The following ZNF710 variants were observed in gnomAD, a reference collection of about 807,000 sequenced individuals.
The protein encoded by ZNF710 is zinc finger protein 710.
A neutral mutation model predicts 50.6 loss-of-function variants in ZNF710; 13 were observed. The ratio of observed to expected loss-of-function variants is 0.26; its 90% CI spans 0.17 to 0.41. The LOEUF is 0.41. Ranked by LOEUF, ZNF710 falls within the 10% of genes least tolerant of loss-of-function variation. ZNF710 has a pLI of 1.00. For synonymous variants in ZNF710, 383 were observed against 397.0 expected, an observed-to-expected ratio of 0.96 and a Z score of 0.42; for missense variants, 721 against 936.6, an observed-to-expected ratio of 0.77 and a Z score of 3.01.
intron 1 of ZNF710, among the ~76,000 whole-genome samples, chr15:90,050,767 TG>T (rs922254921): frequency 6.6e-6 from 1 of 150,518 alleles, no homozygotes; most frequent in African/African-American, 2.5e-5. Context: ...ACCTTAAGTT[TG>T]TTTTTTTTTT....
chr15:90,030,469 G>GT (rs1898905770), intron 1 of ZNF710, among the ~76,000 whole-genome samples: 2 of 151,754 alleles, frequency 1.3e-5, no homozygotes, highest in Non-Finnish European at 2.9e-5. Context: ...TCAGCAAATC[G>GT]TAAGCCTTCT....
chr15:90,003,367 CA>C (rs774273814), intron 1 of ZNF710, among the ~76,000 whole-genome samples: 156 of 152,276 alleles, frequency 1.0e-3, no homozygotes, highest in Admixed American at 2.0e-3. Context: ...GGGAAATTCA[CA>C]AAACTCCCCC....
At chr15:90,015,366 AC>A in intron 1 of ZNF710, among the ~76,000 whole-genome samples, 1 of 152,316 alleles carries the variant, frequency 6.6e-6, no homozygotes, top group Non-Finnish European at 1.5e-5. Context: ...AATCAGTACA[AC>A]TTTTATGGAG....
At chr15:90,000,309 G>A (rs113033620), upstream of ZNF710, among the ~76,000 whole-genome samples, 901 of 152,330 alleles carry the variant, frequency 5.9e-3, 4 homozygotes, top group Non-Finnish European at 0.01. Context: ...GTCGAGAAAC[G>A]GCTCGGAGTG....
At chr15:90,079,565 C>A (rs1900672019) in intron 4 of ZNF710, 95 bp from the exon 5 acceptor site, 1 of 1,473,968 alleles carries the variant, frequency 6.8e-7, no homozygotes, top group East Asian at 2.3e-5. Context: ...GACTGGGAAG[C>A]CCTCTCTTTA....
chr15:90,022,967 A>C (rs1898666834), intron 1 of ZNF710, among the ~76,000 whole-genome samples: 1 of 152,216 alleles, frequency 6.6e-6, no homozygotes, highest in Non-Finnish European at 1.5e-5. Flanking sequence ...GGTTTTCCCC[A>C]GTCCTGGCAA....
intron 1 of ZNF710, among the ~76,000 whole-genome samples, chr15:90,012,216 A>T (rs1307936995): frequency 1.3e-5 from 2 of 151,756 alleles, no homozygotes; most frequent in Non-Finnish European, 2.9e-5. Context: ...AAGAAAAAAA[A>T]AAAGAAAAAG....
intron 1 of ZNF710, among the ~76,000 whole-genome samples, chr15:90,002,124 C>T (rs921398676): frequency 6.6e-6 from 1 of 151,466 alleles, no homozygotes; most frequent in South Asian, 2.1e-4. Flanking sequence ...CCCCCACACC[C>T]GGCCCGGGAC....
At chr15:90,079,357 G>A (rs1037967194) in intron 4 of ZNF710, among the ~76,000 whole-genome samples, 2 of 152,124 alleles carry the variant, frequency 1.3e-5, no homozygotes, top group Admixed American at 6.5e-5. Context: ...TGACTTTGAC[G>A]GGTCAATGGA....
At chr15:90,020,268 CT>C (rs999554782) in intron 1 of ZNF710, among the ~76,000 whole-genome samples, 4 of 152,214 alleles carry the variant, frequency 2.6e-5, no homozygotes, top group Non-Finnish European at 5.9e-5. Context: ...TCTTTCTTCC[CT>C]TTTCTCTCCT....
chr15:90,067,769 C>T lies in ZNF710; in HGVS notation c.632C>T (p.Ala211Val), dbSNP rs1900230258. 1.9e-6 allele frequency: 3 copies of T among 1,587,536 alleles called. No individual in the cohort carries two copies. Among genetic ancestry groups the T allele is most frequent in the Non-Finnish European group, 2.6e-6 (3 of 1,167,992 alleles). ...AGCATGGCGCTGCCTGGGCCAGAGG[C>T]CTTGCCCACAGAGTGTGGGTTCGAG... is the stretch of plus-strand genomic sequence containing the variant. ...EPSMALPGPE[A>V]LPTECGFEPP... The change falls in exon 2 of 5, where the codon GCC (alanine) becomes GTC (valine). Residue 211 changes from alanine to valine, a missense_variant. Physicochemically the swap from Ala to Val is moderately conservative, Grantham distance 64. Coordinates refer to ENST00000268154, the MANE Select transcript of ZNF710 (RefSeq NM_198526.4). The surrounding 1 kb of genome is among the most constrained non-coding windows in gnomAD (Gnocchi z 8.1).
chr15:90,057,473 A>G (rs1899856477), intron 1 of ZNF710, among the ~76,000 whole-genome samples: 1 of 152,028 alleles, frequency 6.6e-6, no homozygotes, highest in Admixed American at 6.6e-5. Context: ...AGCTGGGTGG[A>G]TCACTTGAGC....
chr15:90,049,741 C>G (rs1400857166), intron 1 of ZNF710, among the ~76,000 whole-genome samples: 1 of 152,212 alleles, frequency 6.6e-6, no homozygotes, highest in Non-Finnish European at 1.5e-5. Context: ...CTCCTCCCGC[C>G]TCTCCTCTAC....
At chr15:90,008,673 T>TA (rs1283373313) in intron 1 of ZNF710, among the ~76,000 whole-genome samples, 1 of 151,192 alleles carries the variant, frequency 6.6e-6, no homozygotes, top group Admixed American at 6.6e-5. Flanking sequence ...CCCAGCTACT[T>TA]AAGAGACTGA....
intron 2 of ZNF710, among the ~76,000 whole-genome samples, chr15:90,071,899 C>T (rs752391733): frequency 4.8e-4 from 73 of 152,132 alleles, no homozygotes; most frequent in Admixed American, 2.6e-4. Context: ...TGGTCTCGAA[C>T]TCCTGACCTT....
intron 1 of ZNF710, among the ~76,000 whole-genome samples, chr15:90,027,696 A>G (rs1567225498): frequency 6.6e-6 from 1 of 152,104 alleles, no homozygotes; most frequent in Non-Finnish European, 1.5e-5. Context: ...TACTAAAAAT[A>G]CAAAAATTAG....
At chr15:90,050,849 G>A (rs1899618254) in intron 1 of ZNF710, among the ~76,000 whole-genome samples, 1 of 150,156 alleles carries the variant, frequency 6.7e-6, no homozygotes, top group Non-Finnish European at 1.5e-5. Context: ...TCTTAATCTT[G>A]TCTCTAGCCA....
chr15:90,009,804 C>T (rs890054075), intron 1 of ZNF710, among the ~76,000 whole-genome samples: 1 of 151,988 alleles, frequency 6.6e-6, no homozygotes, highest in African/African-American at 2.4e-5. Context: ...CTTGCCAGCT[C>T]AACAACAGTG....
rs1017651598 is a variant in ZNF710 at position 90,062,726 on chromosome 15, C to T, written c.-28-4384C>T. Among the ~76,000 whole-genome samples, 8 of 152,136 alleles carry T rather than the reference C, an allele frequency of 5.3e-5. No individual in the cohort carries two copies. The highest frequency in any genetic ancestry group is 8.8e-5 in the Non-Finnish European group (6 of 68,008). On this transcript the variant is annotated intron_variant, in intron 1 of 4. Coordinates refer to ENST00000268154, the MANE Select transcript of ZNF710 (RefSeq NM_198526.4). This position sits in a 1 kb window ranked among gnomAD's most constrained non-coding sequence, Gnocchi z 5.6. ...AGGAGGAGGGAGAACAGAGTGATAC[C>T]GGGCCTCCCCACTCCTCATTTCCGT...
Sources: allele counts gnomAD v4.1 joint callset (sites outside exome capture counted in the v4.1 genomes callset), GRCh38; gene constraint gnomAD v4.1.1; non-coding constraint Gnocchi (gnomAD v3.1); transcripts MANE v1.5; gene names NCBI Gene and HGNC (gene_info 2026-07-23, HGNC 2026-07-21).